Variants in CTBP2 observed in about 807,000 individuals in gnomAD.
CTBP2 encodes the protein C-terminal binding protein 2.
CTBP2 carries 30 observed loss-of-function variants against 80.3 expected under a neutral mutation model. The ratio of observed to expected loss-of-function variants is 0.37; its 90% CI spans 0.28 to 0.51. The LOEUF (loss-of-function observed/expected upper bound fraction) is 0.51, where lower values mean the gene tolerates loss of function less well. Among genes scored for constraint, CTBP2 ranks in the 20% least tolerant of loss-of-function variants. CTBP2 has a pLI of 0.93. For missense variants in CTBP2, 1,212 were observed against 1,375.3 expected, an observed-to-expected ratio of 0.88 and a Z score of 1.88; for synonymous variants, 594 against 587.4, an observed-to-expected ratio of 1.01 and a Z score of -0.16.
At chr10:125,067,898 C>G (rs537120681) in intron 2 of CTBP2, among the ~76,000 whole-genome samples, 4 of 152,322 alleles carry the variant, frequency 2.6e-5, no homozygotes, top group African/African-American at 9.6e-5. Flanking sequence ...AAGAAGCCAC[C>G]GGGCTGCAGA....
At chr10:124,999,249 C>G (rs1267162150) in intron 3 of CTBP2, 1 of 152,270 alleles carries the variant, frequency 6.6e-6, no homozygotes, top group Non-Finnish European at 1.5e-5. Context: ...TGAAATGGTT[C>G]CCTCCTAATC....
intron 2 of CTBP2, among the ~76,000 whole-genome samples, chr10:125,079,960 G>A (rs1564870289): frequency 6.6e-6 from 1 of 152,184 alleles, no homozygotes; most frequent in East Asian, 1.9e-4. Context: ...AAACAGAGTC[G>A]GCTCACCCTC....
At chr10:125,112,143 C>T (rs1242667104) in intron 1 of CTBP2, among the ~76,000 whole-genome samples, 1 of 144,890 alleles carries the variant, frequency 6.9e-6, no homozygotes, top group East Asian at 2.1e-4. Flanking sequence ...GAAAGAGTCT[C>T]ACTCTGTCAC....
In CTBP2 at chr10:124,993,746, T is replaced by G. The variant is rs140855117; in HGVS notation, c.2531+109A>C. The G allele has an allele frequency of 2.1e-4, 283 of 1,343,930 alleles. No homozygotes were observed. The African/African-American group carries it at 3.7e-3, about 18-fold the overall frequency. The allele number at this position is 1,343,930 out of a possible 1,614,324, so 83.3% of individuals were successfully genotyped here. A position where few individuals can be genotyped will look rare whatever the true frequency, so the allele number is the denominator to read the frequency against. On this transcript the variant is annotated intron_variant, in intron 6 of 8. Coordinates refer to ENST00000309035, the MANE Select transcript of CTBP2 (RefSeq NM_022802.3). ...AGACTGTAAATGTCATCTCTGGAGT[T>G]TCCTGCCCAGGGACCTGTTTGGGAA...
At chr10:125,147,469 C>T (rs771776002) in intron 1 of CTBP2, among the ~76,000 whole-genome samples, 3 of 152,180 alleles carry the variant, frequency 2.0e-5, no homozygotes, top group Non-Finnish European at 4.4e-5. Flanking sequence ...AAATTAACCT[C>T]GTGAACAGTT....
At chr10:125,161,698 A>G (rs1262628954), upstream of CTBP2, among the ~76,000 whole-genome samples, 1 of 151,828 alleles carries the variant, frequency 6.6e-6, no homozygotes, top group Non-Finnish European at 1.5e-5. Context: ...AAAGAAGCAA[A>G]ACATTCTTAC....
intron 3 of CTBP2, chr10:125,001,606 C>G (rs147078659): frequency 6.6e-6 from 1 of 152,218 alleles, no homozygotes; most frequent in African/African-American, 2.4e-5. Context: ...CTGCTGCTTC[C>G]AGGACCCTAA....
intron 2 of CTBP2, among the ~76,000 whole-genome samples, chr10:125,052,590 A>G (rs537726726): frequency 6.6e-6 from 1 of 152,330 alleles, no homozygotes; most frequent in South Asian, 2.1e-4. Flanking sequence ...GAGATCAAAG[A>G]AAGGTGATCC....
intron 1 of CTBP2, among the ~76,000 whole-genome samples, chr10:125,112,235 C>A (rs984498637): frequency 6.6e-6 from 1 of 150,738 alleles, no homozygotes; most frequent in African/African-American, 2.4e-5. Context: ...GCCTCGGCCT[C>A]CTGAATAGCT....
At chr10:125,078,996 A>C (rs1005996115) in intron 2 of CTBP2, among the ~76,000 whole-genome samples, 3 of 150,648 alleles carry the variant, frequency 2.0e-5, no homozygotes, top group Admixed American at 1.3e-4. Flanking sequence ...AAAAAAAAAA[A>C]ACGAGCCGGG....
At chr10:125,158,345 G>A (rs80094042) in intron 1 of CTBP2, among the ~76,000 whole-genome samples, 6,100 of 152,150 alleles carry the variant, frequency 0.04, 421 homozygotes, top group African/African-American at 0.14. Flanking sequence ...GGTGGTATGA[G>A]TCGATATATT....
intron 1 of CTBP2, among the ~76,000 whole-genome samples, chr10:125,128,839 A>C (rs1855686141): frequency 6.6e-6 from 1 of 152,268 alleles, no homozygotes; most frequent in Non-Finnish European, 1.5e-5. Context: ...ACAAAAAGAC[A>C]TGCATGAGAA....
intron 1 of CTBP2, among the ~76,000 whole-genome samples, chr10:125,129,594 A>T (rs753109299): frequency 3.9e-5 from 6 of 152,168 alleles, no homozygotes; most frequent in Non-Finnish European, 8.8e-5. Flanking sequence ...TGGTGTGCAC[A>T]TTCATTGTAG....
chr10:125,089,195 G>A (rs887310940), intron 2 of CTBP2, among the ~76,000 whole-genome samples: 1 of 152,138 alleles, frequency 6.6e-6, no homozygotes, highest in Admixed American at 6.5e-5. Context: ...ACGTGCTCTC[G>A]ACAATAAATT....
intron 2 of CTBP2, among the ~76,000 whole-genome samples, chr10:125,084,608 G>C (rs912910035): frequency 3.5e-4 from 53 of 152,070 alleles, no homozygotes; most frequent in African/African-American, 1.3e-3. Flanking sequence ...AGGGGTCCGG[G>C]GGTGGCCCCA....
chr10:125,014,741 G>T (rs772140347), intron 1 of CTBP2, among the ~76,000 whole-genome samples: 1 of 152,232 alleles, frequency 6.6e-6, no homozygotes. Flanking sequence ...GTCTCGGGAA[G>T]AATGAGTTTG....
chr10:125,026,392 G>C lies in CTBP2; in HGVS notation c.1368C>G (p.Pro456=), dbSNP rs1421790358. ...TAGTCAAGGCCACCCCTGCCTGCAG[G>C]GGGTACGTGGGGCTCAGACGCGCTG... Residue 456 remains proline, a synonymous_variant, in exon 1 of 9, where the codon CCC becomes CCG. Coordinates refer to ENST00000309035, the MANE Select transcript of CTBP2 (RefSeq NM_022802.3). 10 of 1,610,626 alleles carry C rather than the reference G, an allele frequency of 6.2e-6. No individual in the cohort carries two copies. The highest frequency in any genetic ancestry group is 1.3e-5 in the African/African-American group (1 of 74,822).
At chr10:125,125,424 G>A (rs1855066280) in intron 1 of CTBP2, among the ~76,000 whole-genome samples, 2 of 152,230 alleles carry the variant, frequency 1.3e-5, no homozygotes, top group East Asian at 1.9e-4. Flanking sequence ...GTCAATATCC[G>A]GTGTTTGGGA....
chr10:125,120,936 A>T lies in CTBP2; in HGVS notation c.-205-9843T>A, dbSNP rs556117994. On this transcript the variant is annotated intron_variant, in intron 1 of 10. Coordinates refer to the CTBP2 transcript ENST00000337195. ...AAGGTGGCCAGATATCGGTTCCTTG[A>T]CCCTGACTCTCTCACATTGCCTTCC... 2.4e-4 allele frequency among the ~76,000 whole-genome samples: 36 copies of T among 152,288 alleles called. 2 individuals are homozygous for T. In the South Asian group the frequency reaches 4.4e-3, roughly 18 times the overall value.
Sources: gnomAD v4.1 joint callset for allele counts (sites outside exome capture counted in the v4.1 genomes callset) on GRCh38, gnomAD v4.1.1 for gene constraint, MANE v1.5 for transcripts, NCBI Gene and HGNC (gene_info 2026-07-23, HGNC 2026-07-21) for gene names.